Variants in IL1R2 observed in about 807,000 individuals in gnomAD.
IL1R2 encodes the protein interleukin 1 receptor type 2.
IL1R2 carries 46 observed loss-of-function variants against 39.5 expected under a neutral mutation model. That is an observed-to-expected ratio of 1.16 (90% CI 0.92 to 1.49). The LOEUF (loss-of-function observed/expected upper bound fraction) is 1.49. Ranked by LOEUF, IL1R2 falls within the 40% of genes most tolerant of loss-of-function variation. IL1R2 has a pLI of 0.00. For missense variants in IL1R2, 537 were observed against 502.0 expected, an observed-to-expected ratio of 1.07 and a Z score of -0.67; for synonymous variants, 207 against 189.6, an observed-to-expected ratio of 1.09 and a Z score of -0.75.
intron 1 of IL1R2, among the ~76,000 whole-genome samples, chr2:101,998,712 A>G (rs1249723353): frequency 6.6e-6 from 1 of 152,122 alleles, no homozygotes; most frequent in African/African-American, 2.4e-5. Context: ...AGGATTGTCA[A>G]CCAATGCCCT....
chr2:102,019,823 G>A lies in IL1R2; in HGVS notation c.688+11G>A, dbSNP rs930416824. ...AGCTACGCATCAAGAGTAAGTACTT[G>A]CCATTGAGGCACCTATCTATCCTGG... On this transcript the variant is annotated intron_variant, in intron 5 of 8. Coordinates refer to ENST00000332549, the MANE Select transcript of IL1R2 (RefSeq NM_004633.4). 4 of 1,608,540 alleles carry A rather than the reference G, an allele frequency of 2.5e-6. No homozygotes were observed. The highest frequency in any genetic ancestry group is 3.4e-6 in the Non-Finnish European group (4 of 1,176,566).
chr2:101,994,320 C>G (rs1254085606), intron 1 of IL1R2, among the ~76,000 whole-genome samples: 4 of 152,066 alleles, frequency 2.6e-5, no homozygotes, highest in Non-Finnish European at 4.4e-5. Flanking sequence ...GGACCCCGAG[C>G]CCCCCTCCCC....
chr2:101,993,240 G>C (rs1048459321), intron 1 of IL1R2, among the ~76,000 whole-genome samples: 1 of 152,134 alleles, frequency 6.6e-6, no homozygotes, highest in African/African-American at 2.4e-5. Flanking sequence ...TTAGGGCTGC[G>C]GTGTGTCCCC....
rs1254891466 is a variant in IL1R2 at position 102,028,227 on chromosome 2, C to G, written c.1032C>G (p.Ala344=). The G allele has an allele frequency of 3.1e-6, 5 of 1,605,626 alleles. No homozygotes were observed. The highest frequency in any genetic ancestry group is 4.3e-6 in the Non-Finnish European group (5 of 1,175,508). Residue 344 remains alanine (A), a splice_region_variant and synonymous_variant, in exon 9 of 9, where the codon GCC becomes GCG. Transcript: ENST00000332549. The part of the protein sequence containing the change: ...FQTLRTTVKE[A]SSTFSWGIVL... ...GATGTGACTCTGTTCTTCCCACAGC[C>G]TCCTCCACGTTCTCCTGGGGCATTG...
intron 7 of IL1R2, 97 bp downstream of exon 7, chr2:102,024,765 A>G (rs375145082): frequency 7.1e-6 from 10 of 1,406,228 alleles, no homozygotes; most frequent in Non-Finnish European, 9.5e-6. Context: ...ATTAAAAGTT[A>G]CTTTTTTTGA....
At chr2:102,015,087 G>A (rs1023947262) in intron 3 of IL1R2, among the ~76,000 whole-genome samples, 3 of 152,170 alleles carry the variant, frequency 2.0e-5, no homozygotes, top group Admixed American at 2.0e-4. Context: ...CTAGACTTCA[G>A]TTGGTAAATC....
At chr2:102,021,305 CTTTTTTTTTT>C (rs546019141) in intron 5 of IL1R2, among the ~76,000 whole-genome samples, 3 of 122,856 alleles carry the variant, frequency 2.4e-5, no homozygotes, top group Non-Finnish European at 5.1e-5. Context: ...CTTTTCTTTT[CTTTTTTTTTT>C]TTTTTTTGGT....
Position 102,021,324 on chromosome 2 carries a change from G to GT in IL1R2, c.689-854dup, listed in dbSNP as rs1410768533. 8.5e-4 allele frequency among the ~76,000 whole-genome samples: 89 copies of GT among 104,292 alleles called. No homozygotes were observed. The South Asian group carries it at 0.01, about 12-fold the overall frequency. The allele number at this position is 104,292 out of a possible 152,430, so 68.4% of individuals were successfully genotyped here. ...TCTTTTCTTTTTTTTTTTTTTTTTGGTTTTTTTTTGAGGCGGAGTCTCGCT... is the reference window on the plus strand; with the variant it reads ...TCTTTTCTTTTTTTTTTTTTTTTTGGTTTTTTTTTTGAGGCGGAGTCTCGCT... On this transcript the variant is annotated intron_variant, in intron 5 of 8. Coordinates refer to ENST00000332549, the MANE Select transcript of IL1R2 (RefSeq NM_004633.4).
At chr2:102,008,450 C>T (rs1676398212) in intron 1 of IL1R2, 65 bp from the exon 2 acceptor site, 9 of 757,456 alleles carry the variant, frequency 1.2e-5, no homozygotes, top group South Asian at 6.0e-5. Flanking sequence ...GCCCCTACCC[C>T]GTCTTCAAGG....
At chr2:102,024,398 C>G in intron 6 of IL1R2, 135 bp from the exon 7 acceptor site, 1 of 671,380 alleles carries the variant, frequency 1.5e-6, no homozygotes, top group Non-Finnish European at 2.7e-6. Context: ...TTTGAGAAAA[C>G]TAAATTTTCT....
intron 1 of IL1R2, among the ~76,000 whole-genome samples, chr2:101,994,641 G>A (rs1159187236): frequency 6.6e-6 from 1 of 152,212 alleles, no homozygotes; most frequent in Non-Finnish European, 1.5e-5. Context: ...TTCCTTAGGA[G>A]ACGTGTCCAG....
chr2:102,027,225 A>G (rs1478311756), intron 8 of IL1R2, among the ~76,000 whole-genome samples: 1 of 152,208 alleles, frequency 6.6e-6, no homozygotes, highest in Admixed American at 6.5e-5. Context: ...TTTGAGAATG[A>G]GGGCACACAT....
intron 1 of IL1R2, among the ~76,000 whole-genome samples, chr2:102,005,624 G>GGT (rs1490430260): frequency 2.0e-5 from 3 of 152,216 alleles, no homozygotes; most frequent in Non-Finnish European, 4.4e-5. Context: ...CATCCACACT[G>GGT]AGCAGCAGGA....
At chr2:102,005,795 T>C (rs763693973) in intron 1 of IL1R2, among the ~76,000 whole-genome samples, 3 of 152,168 alleles carry the variant, frequency 2.0e-5, no homozygotes, top group Admixed American at 6.5e-5. Context: ...GGGGGTTCTA[T>C]TATTGGGAAA....
rs767273520 is a variant in IL1R2, at chr2:102,024,048, C to CAAAAAAAAAAAAAAAAAAAAA, written c.752-480_752-479insAAAAAAAAAAAAAAAAAAAAA. ...TGGGCGACAGAGCGAGACTCCATCTCAAAAACAAAACAAAACAAAACAAAA... is the reference window on the plus strand; with the variant it reads ...TGGGCGACAGAGCGAGACTCCATCTCAAAAAAAAAAAAAAAAAAAAAAAAAACAAAACAAAACAAAACAAAA... On this transcript the variant is annotated intron_variant, in intron 6 of 8. Coordinates refer to ENST00000332549, the MANE Select transcript of IL1R2 (RefSeq NM_004633.4). Among the ~76,000 whole-genome samples the CAAAAAAAAAAAAAAAAAAAAA allele has an allele frequency of 2.1e-5, 3 of 139,954 alleles. 1 individual carries two copies. Among genetic ancestry groups the CAAAAAAAAAAAAAAAAAAAAA allele is most frequent in the African/African-American group, 8.7e-5 (3 of 34,504 alleles). 91.8% of individuals were successfully genotyped at this position (139,954 alleles called of 152,430 possible).
At chr2:102,026,570 C>T (rs941940810) in intron 8 of IL1R2, among the ~76,000 whole-genome samples, 8 of 152,272 alleles carry the variant, frequency 5.3e-5, no homozygotes, top group East Asian at 3.9e-4. Context: ...CAGCTGTCTT[C>T]GCATGGCCTC....
At chr2:102,026,301 A>G (rs199726471) in intron 8 of IL1R2, 48 bp downstream of exon 8, 42 of 1,412,368 alleles carry the variant, frequency 3.0e-5, no homozygotes, top group Non-Finnish European at 4.0e-5. Flanking sequence ...AACATGTTGA[A>G]TGTTCCATGG....
At chr2:102,018,979 GA>G (rs1238117113) in intron 4 of IL1R2, among the ~76,000 whole-genome samples, 1 of 152,146 alleles carries the variant, frequency 6.6e-6, no homozygotes, top group Non-Finnish European at 1.5e-5. Context: ...TGCAAACGTT[GA>G]ATAATCATGA....
chr2:102,009,551 C>T lies in IL1R2; in HGVS notation c.68-11C>T, dbSNP rs574283411. ...GACCCAAAGCCTGACCATGGGCTCT[C>T]TGTCCTTCAGGGGCTGCCAGAAGCT... On this transcript the variant is annotated splice_polypyrimidine_tract_variant and intron_variant, in intron 2 of 8. Coordinates refer to ENST00000332549, the MANE Select transcript of IL1R2 (RefSeq NM_004633.4). 5.0e-6 allele frequency: 8 copies of T among 1,612,514 alleles called. No individual in the cohort carries two copies. In the East Asian group the frequency reaches 1.6e-4, roughly 31 times the overall value.
Sources: allele counts gnomAD v4.1 joint callset (sites outside exome capture counted in the v4.1 genomes callset), GRCh38; gene constraint gnomAD v4.1.1; transcripts MANE v1.5; gene names NCBI Gene and HGNC (gene_info 2026-07-23, HGNC 2026-07-21).